VPS36: variants seen among roughly 807,000 people sequenced by gnomAD.
The protein encoded by VPS36 is vacuolar protein-sorting-associated protein 36.
VPS36 carries 31 observed loss-of-function variants against 63.5 expected under a neutral mutation model. The ratio of observed to expected loss-of-function variants is 0.49; its 90% CI spans 0.37 to 0.66. The LOEUF (loss-of-function observed/expected upper bound fraction) is 0.66, where lower values mean the gene tolerates loss of function less well. VPS36 is among the 30% of genes least tolerant of loss of function. The pLI, the probability that VPS36 is intolerant of heterozygous loss-of-function variation, is 0.00. For missense variants in VPS36, 338 were observed against 463.7 expected (o/e 0.73, Z 2.49); for synonymous variants, 138 against 157.2 (o/e 0.88, Z 0.91).
chr13:52,421,467 G>A (rs890396233), intron 10 of VPS36, among the ~76,000 whole-genome samples: 9 of 150,692 alleles, frequency 6.0e-5, no homozygotes, highest in African/African-American at 2.2e-4. Context: ...TACACAGGGT[G>A]ACTAGATAAT....
chr13:52,417,957 T>G (rs762897594), intron 11 of VPS36, 35 bp downstream of exon 11: 28 of 1,598,114 alleles, frequency 1.8e-5, no homozygotes, highest in Admixed American at 8.4e-5. Flanking sequence ...GAATCATGGT[T>G]GCAGGTGGCA....
chr13:52,417,489 T>C (rs1440710806), intron 11 of VPS36, among the ~76,000 whole-genome samples: 1 of 152,160 alleles, frequency 6.6e-6, no homozygotes, highest in East Asian at 1.9e-4. Flanking sequence ...GCCTCCCCAG[T>C]AGCTGGGATT....
intron 10 of VPS36, among the ~76,000 whole-genome samples, chr13:52,420,552 C>T (rs1385045248): frequency 6.6e-6 from 1 of 151,760 alleles, no homozygotes; most frequent in Non-Finnish European, 1.5e-5. Context: ...AGGGTGGTCT[C>T]GAACTTCTGA....
At chr13:52,421,781 C>T (rs1219450926) in intron 10 of VPS36, among the ~76,000 whole-genome samples, 1 of 152,058 alleles carries the variant, frequency 6.6e-6, no homozygotes, top group Non-Finnish European at 1.5e-5. Flanking sequence ...GCCTCAGCCT[C>T]CCAAAGTGCT....
chr13:52,449,909 C>G lies in VPS36; in HGVS notation c.96+590G>C, dbSNP rs577434173. The stretch of plus-strand genomic sequence containing the variant: ...AAAACCCAATAGCCTTTGGCAAGGG[C>G]ATTCCAATGAAGCACTGATACCTCT... On this transcript the variant is annotated intron_variant, in intron 1 of 13. Transcript: ENST00000378060. 9 of 985,268 alleles carry G rather than the reference C, an allele frequency of 9.1e-6. No individual in the cohort carries two copies. The East Asian group carries it at 7.9e-4, about 87-fold the overall frequency. 61.0% of individuals were successfully genotyped at this position (985,268 alleles called of 1,614,324 possible).
intron 10 of VPS36, among the ~76,000 whole-genome samples, chr13:52,420,715 AC>A (rs757304332): frequency 3.3e-5 from 5 of 152,004 alleles, no homozygotes; most frequent in African/African-American, 9.7e-5. Flanking sequence ...GAGGTGACAG[AC>A]CCCCAATTTC....
chr13:52,435,740 T>A (rs993184951), intron 4 of VPS36, among the ~76,000 whole-genome samples: 4 of 152,306 alleles, frequency 2.6e-5, no homozygotes, highest in African/African-American at 7.2e-5. Flanking sequence ...TGAGGTGATA[T>A]AGAAAAAAAT....
At position 52,441,081 on chromosome 13, in the gene VPS36, C is replaced by T. The variant is rs1403140108; in HGVS notation, c.165+1296G>A. On this transcript the variant is annotated intron_variant, in intron 2 of 13. Coordinates refer to ENST00000378060, the MANE Select transcript of VPS36 (RefSeq NM_016075.4). ...TAATGCTTGCTTACCTGTCACTTAT[C>T]CCTGCTATGTGACCCAGTTCCTAAC... Among the ~76,000 whole-genome samples the T allele has an allele frequency of 2.6e-5, 4 of 152,260 alleles. No individual in the cohort carries two copies. In the East Asian group the frequency reaches 7.7e-4, roughly 29 times the overall value.
intron 10 of VPS36, among the ~76,000 whole-genome samples, chr13:52,423,084 A>T (rs1958062115): frequency 6.6e-6 from 1 of 152,184 alleles, no homozygotes; most frequent in African/African-American, 2.4e-5. Flanking sequence ...TTCCGCCATG[A>T]TTGTGAGACC....
intron 5 of VPS36, among the ~76,000 whole-genome samples, chr13:52,434,592 C>A (rs1958193891): frequency 6.6e-6 from 1 of 152,162 alleles, no homozygotes; most frequent in Admixed American, 6.5e-5. Flanking sequence ...CTCCTGACCT[C>A]ATGATCCACC....
At chr13:52,442,332 T>C (rs547219409) in intron 2 of VPS36, 45 bp downstream of exon 2, 4 of 1,542,660 alleles carry the variant, frequency 2.6e-6, no homozygotes, top group Non-Finnish European at 3.5e-6. Context: ...AAAAAATAAA[T>C]AAACAAAATA....
chr13:52,418,467 C>G (rs185414990), intron 10 of VPS36, among the ~76,000 whole-genome samples: 2 of 148,540 alleles, frequency 1.3e-5, no homozygotes, highest in Non-Finnish European at 3.0e-5. Flanking sequence ...CCCAGCTACT[C>G]GAGAGGCTAA....
chr13:52,436,218 A>ACAC, intron 4 of VPS36, 72 bp downstream of exon 4: 1 of 642,936 alleles, frequency 1.6e-6, no homozygotes, highest in Non-Finnish European at 2.6e-6. Context: ...AACAAGCCAC[A>ACAC]ACACACACAC....
At chr13:52,436,991 C>T (rs1958225719) in intron 3 of VPS36, among the ~76,000 whole-genome samples, 1 of 151,848 alleles carries the variant, frequency 6.6e-6, no homozygotes, top group African/African-American at 2.4e-5. Context: ...TTATGACTAT[C>T]ATAATCTTCT....
At chr13:52,420,994 G>T (rs1398153260) in intron 10 of VPS36, among the ~76,000 whole-genome samples, 1 of 152,062 alleles carries the variant, frequency 6.6e-6, no homozygotes, top group Non-Finnish European at 1.5e-5. Context: ...GGTGGCACAC[G>T]GCTGTAATCC....
At chr13:52,432,308 G>A (rs1958167327) in intron 6 of VPS36, among the ~76,000 whole-genome samples, 1 of 151,990 alleles carries the variant, frequency 6.6e-6, no homozygotes, top group African/African-American at 2.4e-5. Flanking sequence ...CCAGGATCGA[G>A]CCACTGCACT....
At chr13:52,418,157 T>C in intron 10 of VPS36, 101 bp from the exon 11 acceptor site, 2 of 1,078,244 alleles carry the variant, frequency 1.9e-6, no homozygotes, top group Non-Finnish European at 2.6e-6. Context: ...TTTTAGGTGA[T>C]TTAATCACTA....
intron 1 of VPS36, among the ~76,000 whole-genome samples, chr13:52,445,930 ACT>A (rs1434712937): frequency 1.1e-5 from 1 of 91,162 alleles, no homozygotes; most frequent in Non-Finnish European, 2.0e-5. Flanking sequence ...ACAGAGAAAG[ACT>A]CTATCTCAAA....
At chr13:52,445,939 CAAAAAAA>C (rs34529458) in intron 1 of VPS36, among the ~76,000 whole-genome samples, 6 of 15,366 alleles carry the variant, frequency 3.9e-4, no homozygotes, top group African/African-American at 1.8e-3. Context: ...GACTCTATCT[CAAAAAAA>C]AAAAAAAAAA....
Sources: gnomAD v4.1 joint callset for allele counts (sites outside exome capture counted in the v4.1 genomes callset) on GRCh38, gnomAD v4.1.1 for gene constraint, MANE v1.5 for transcripts, NCBI Gene and HGNC (gene_info 2026-07-23, HGNC 2026-07-21) for gene names.